Variants in DNAH3 observed in about 807,000 individuals in gnomAD.
The protein encoded by DNAH3 is dynein axonemal heavy chain 3.
In DNAH3, 332 loss-of-function variants were observed where a neutral mutation model predicts 432.5. The observed-to-expected ratio is 0.77, with a 90% CI of 0.70 to 0.84. The LOEUF is 0.84. Among genes scored for constraint, DNAH3 ranks in the 40% least tolerant of loss-of-function variants. The pLI is 0.00. For missense variants in DNAH3, 4,861 were observed against 5,114.0 expected, an observed-to-expected ratio of 0.95 and a Z score of 1.51; for synonymous variants, 1,956 against 1,900.2, an observed-to-expected ratio of 1.03 and a Z score of -0.76.
intron 5 of DNAH3, chr16:21,140,206 T>C: frequency 5.1e-6 from 1 of 194,654 alleles, no homozygotes; most frequent in Non-Finnish European, 1.1e-5. Context: ...AAATTTGAAT[T>C]TAACTATGTG....
intron 43 of DNAH3, among the ~76,000 whole-genome samples, chr16:20,999,400 C>T (rs1386896988): frequency 6.6e-6 from 1 of 152,122 alleles, no homozygotes; most frequent in Non-Finnish European, 1.5e-5. Context: ...TAAAATAGGA[C>T]CCCTGCCTCT....
chr16:21,020,397 A>ATATATATATAT (rs1555530020), intron 40 of DNAH3, among the ~76,000 whole-genome samples: 2 of 34,594 alleles, frequency 5.8e-5, no homozygotes, highest in African/African-American at 2.4e-4. Flanking sequence ...ATATATATAT[A>ATATATATATAT]TTTTTTTTTT....
chr16:21,101,800 C>T (rs993701531), intron 16 of DNAH3, among the ~76,000 whole-genome samples: 5 of 152,196 alleles, frequency 3.3e-5, no homozygotes, highest in Non-Finnish European at 7.3e-5. Context: ...GGAGGAAAAG[C>T]TTGCTAGCTA....
intron 6 of DNAH3, among the ~76,000 whole-genome samples, chr16:21,134,743 C>A (rs2092619330): frequency 6.6e-6 from 1 of 152,034 alleles, no homozygotes; most frequent in African/African-American, 2.4e-5. Flanking sequence ...TGCAATGGTT[C>A]AATCTCAGCT....
intron 55 of DNAH3, among the ~76,000 whole-genome samples, chr16:20,953,770 T>C (rs1022600442): frequency 1.3e-5 from 2 of 151,554 alleles, no homozygotes; most frequent in African/African-American, 4.8e-5. Flanking sequence ...TTTGAGACAA[T>C]GTCTTACTTT....
intron 22 of DNAH3, among the ~76,000 whole-genome samples, chr16:21,070,289 T>A (rs916556757): frequency 3.9e-5 from 6 of 152,190 alleles, no homozygotes; most frequent in East Asian, 1.9e-4. Context: ...TTAATTAATT[T>A]ACTTATTTTT....
chr16:21,154,028 T>A (rs750492726), intron 1 of DNAH3, among the ~76,000 whole-genome samples: 3 of 152,110 alleles, frequency 2.0e-5, no homozygotes, highest in Non-Finnish European at 2.9e-5. Context: ...TAGACGGAAA[T>A]GGGAAGATTA....
In DNAH3 at chr16:21,098,587, T is replaced by G. The variant is rs767925894; in HGVS notation, c.2520+29A>C. ...TCAGAACCAATAGACCAGTACAGTG[T>G]CATAAGTCCCCATCTCAAGATCCCA... On this transcript the variant is annotated intron_variant, in intron 17 of 61. Coordinates refer to ENST00000261383, the Ensembl canonical transcript of DNAH3. The G allele has an allele frequency of 1.3e-5, 21 of 1,597,940 alleles. 1 individual carries two copies. Among genetic ancestry groups the G allele is most frequent in the Admixed American group, 3.5e-5 (2 of 57,836 alleles).
intron 50 of DNAH3, among the ~76,000 whole-genome samples, chr16:20,977,647 T>C (rs2085657185): frequency 6.6e-6 from 1 of 152,194 alleles, no homozygotes; most frequent in Non-Finnish European, 1.5e-5. Flanking sequence ...GTTTCAGTTC[T>C]AGCTGGACCA....
At chr16:21,033,280 A>C (rs920663468) in intron 36 of DNAH3, among the ~76,000 whole-genome samples, 4 of 152,264 alleles carry the variant, frequency 2.6e-5, no homozygotes, top group Non-Finnish European at 5.9e-5. Flanking sequence ...CACGAAAAGG[A>C]AATGCTTTTA....
At chr16:21,032,400 C>T (rs530956586) in intron 36 of DNAH3, among the ~76,000 whole-genome samples, 5 of 152,142 alleles carry the variant, frequency 3.3e-5, no homozygotes, top group East Asian at 1.9e-4. Context: ...TCAATTGGAA[C>T]GTACAGGCTG....
chr16:21,131,352 G>A (rs2092552889), intron 7 of DNAH3, among the ~76,000 whole-genome samples: 1 of 150,680 alleles, frequency 6.6e-6, no homozygotes. Flanking sequence ...AAGAAAGCAA[G>A]AAAGAAACAG....
At chr16:20,990,705 C>T (rs1185176617) in intron 44 of DNAH3, among the ~76,000 whole-genome samples, 2 of 152,088 alleles carry the variant, frequency 1.3e-5, no homozygotes, top group East Asian at 1.9e-4. Flanking sequence ...ACACTCTTAG[C>T]ATCTACTGTC....
intron 20 of DNAH3, among the ~76,000 whole-genome samples, chr16:21,077,089 T>C (rs2091001840): frequency 6.6e-6 from 1 of 152,162 alleles, no homozygotes; most frequent in Non-Finnish European, 1.5e-5. Flanking sequence ...TGAGAACCAC[T>C]GTTGTAAGGT....
At chr16:21,133,772 G>C (rs1332791953) in intron 7 of DNAH3, among the ~76,000 whole-genome samples, 1 of 152,160 alleles carries the variant, frequency 6.6e-6, no homozygotes, top group East Asian at 1.9e-4. Flanking sequence ...TGTTGTAATG[G>C]AGGTAATGCC....
intron 26 of DNAH3, 115 bp from the exon 27 acceptor site, chr16:21,058,311 T>A (rs1455854354): frequency 3.4e-6 from 2 of 596,898 alleles, no homozygotes; most frequent in Non-Finnish European, 3.1e-6. Flanking sequence ...TCTTCCCCCA[T>A]CCTCAGACGC....
At chr16:21,015,455 T>C (rs748973370) in intron 41 of DNAH3, among the ~76,000 whole-genome samples, 1 of 152,204 alleles carries the variant, frequency 6.6e-6, no homozygotes, top group African/African-American at 2.4e-5. Context: ...TGTGAAACTA[T>C]CCTGCATGAT....
chr16:20,979,366 C>T (rs762929736), exon 50 of DNAH3: 1 of 1,614,128 alleles, frequency 6.2e-7, no homozygotes. Flanking sequence ...GCAAGCCTGT[C>T]AGGTAGCGGT....
intron 54 of DNAH3, among the ~76,000 whole-genome samples, chr16:20,955,571 A>G (rs961454583): frequency 6.6e-6 from 1 of 151,666 alleles, no homozygotes; most frequent in Non-Finnish European, 1.5e-5. Flanking sequence ...CAGTGCTGGG[A>G]TTACAGGTGT....
Sources: allele counts gnomAD v4.1 joint callset (sites outside exome capture counted in the v4.1 genomes callset), GRCh38; gene constraint gnomAD v4.1.1; transcripts MANE v1.5; gene names NCBI Gene and HGNC (gene_info 2026-07-23, HGNC 2026-07-21).